FANCL: variants seen among roughly 807,000 people sequenced by gnomAD.
The protein encoded by FANCL is E3 ubiquitin-protein ligase FANCL.
In FANCL, 69 loss-of-function variants were observed where a neutral mutation model predicts 59.4. The ratio of observed to expected loss-of-function variants is 1.16; its 90% CI spans 0.96 to 1.42. The LOEUF (loss-of-function observed/expected upper bound fraction) is 1.42, where lower values mean the gene tolerates loss of function less well. FANCL is among the 40% of genes most tolerant of loss of function. The pLI is 0.00. For missense variants in FANCL, 519 were observed against 447.2 expected (o/e 1.16, Z -1.45); for synonymous variants, 180 against 147.1 (o/e 1.22, Z -1.62).
intron 1 of FANCL, among the ~76,000 whole-genome samples, chr2:58,236,113 T>C (rs569110010): frequency 2.9e-5 from 4 of 139,760 alleles, no homozygotes; most frequent in African/African-American, 1.1e-4. Context: ...TAAATGAAAA[T>C]ATATACTCAG....
intron 7 of FANCL, among the ~76,000 whole-genome samples, chr2:58,194,572 G>A (rs1689252261): frequency 6.6e-6 from 1 of 152,032 alleles, no homozygotes; most frequent in Non-Finnish European, 1.5e-5. Context: ...GTGCTTCTTT[G>A]GCACATATCA....
At chr2:58,194,926 C>CAAA (rs200645448) in intron 7 of FANCL, among the ~76,000 whole-genome samples, 1 of 146,068 alleles carries the variant, frequency 6.8e-6, no homozygotes. Context: ...TATTATATCA[C>CAAA]AAAAAAAAAA....
intron 12 of FANCL, among the ~76,000 whole-genome samples, chr2:58,161,152 G>C (rs1685095004): frequency 6.6e-6 from 1 of 151,958 alleles, no homozygotes. Context: ...CATTTTCACT[G>C]TATTACTGCC....
intron 7 of FANCL, among the ~76,000 whole-genome samples, chr2:58,168,043 G>A (rs1360325678): frequency 6.6e-6 from 1 of 151,926 alleles, no homozygotes; most frequent in African/African-American, 2.4e-5. Context: ...CACCACAAAT[G>A]CCAAGAAATA....
At chr2:58,232,225 T>C (rs1161716836) in intron 1 of FANCL, 113 bp from the exon 2 acceptor site, 2 of 850,556 alleles carry the variant, frequency 2.4e-6, no homozygotes, top group Non-Finnish European at 3.9e-6. Flanking sequence ...CTAAAAGGTA[T>C]CAATTTTATC....
At chr2:58,202,599 A>G (rs1690152734) in intron 6 of FANCL, among the ~76,000 whole-genome samples, 1 of 151,834 alleles carries the variant, frequency 6.6e-6, no homozygotes, top group Admixed American at 6.6e-5. Flanking sequence ...ATATCTATAA[A>G]AGTGCTTCGT....
intron 5 of FANCL, among the ~76,000 whole-genome samples, chr2:58,211,068 A>G (rs1691095003): frequency 6.6e-6 from 1 of 152,174 alleles, no homozygotes; most frequent in African/African-American, 2.4e-5. Context: ...GTGCCTCAGT[A>G]GGGACTCTGT....
intron 7 of FANCL, among the ~76,000 whole-genome samples, chr2:58,196,436 A>G (rs543335277): frequency 1.3e-5 from 2 of 152,130 alleles, no homozygotes; most frequent in South Asian, 4.1e-4. Flanking sequence ...ATATTCCACA[A>G]ATTAAGAATT....
intron 7 of FANCL, among the ~76,000 whole-genome samples, chr2:58,196,283 C>G (rs990045537): frequency 1.3e-5 from 2 of 151,924 alleles, no homozygotes; most frequent in African/African-American, 4.8e-5. Context: ...CAGGTCTTAG[C>G]TATTCTTAAA....
chr2:58,191,598 G>A (rs948327710), intron 7 of FANCL, among the ~76,000 whole-genome samples: 4 of 151,736 alleles, frequency 2.6e-5, no homozygotes, highest in Admixed American at 6.6e-5. Context: ...TTTGAGCATA[G>A]AAAACTCCTT....
intron 1 of FANCL, among the ~76,000 whole-genome samples, chr2:58,238,446 C>G (rs1443846738): frequency 6.6e-6 from 1 of 152,136 alleles, no homozygotes; most frequent in Admixed American, 6.5e-5. Context: ...AGATAACCAA[C>G]ATAGAGAGCA....
At chr2:58,222,856 T>C (rs1240118814) in intron 4 of FANCL, among the ~76,000 whole-genome samples, 2 of 151,940 alleles carry the variant, frequency 1.3e-5, no homozygotes, top group Non-Finnish European at 2.9e-5. Context: ...AAATAATTAA[T>C]TAATTAAATA....
rs775664760 is a variant in FANCL, at chr2:58,163,028, C to G, written c.821+1G>C. ...AAAAATTATATTGCCAAGGTACCTA[C>G]CACAAATGTATGTTCCTGCTCAGCT... On this transcript the variant is annotated splice_donor_variant, in intron 10 of 13. Transcript: ENST00000233741. LOFTEE classifies it high-confidence loss of function. 1 of 1,612,580 alleles carries G rather than the reference C, an allele frequency of 6.2e-7. No homozygotes were observed. Among genetic ancestry groups the G allele is most frequent in the Admixed American group, 1.7e-5 (1 of 59,934 alleles).
intron 7 of FANCL, among the ~76,000 whole-genome samples, chr2:58,184,847 G>A (rs1016905699): frequency 6.6e-6 from 1 of 152,096 alleles, no homozygotes; most frequent in Non-Finnish European, 1.5e-5. Flanking sequence ...AACATCGTGA[G>A]AAAGTTAGGA....
intron 5 of FANCL, among the ~76,000 whole-genome samples, chr2:58,207,224 A>G (rs1051483916): frequency 6.6e-6 from 1 of 152,152 alleles, no homozygotes; most frequent in Non-Finnish European, 1.5e-5. Context: ...GGACAGGCCA[A>G]TATGAGCTAG....
At chr2:58,225,065 G>C (rs1169040338) in intron 4 of FANCL, among the ~76,000 whole-genome samples, 1 of 151,560 alleles carries the variant, frequency 6.6e-6, no homozygotes, top group African/African-American at 2.4e-5. Context: ...TGGGGCAACT[G>C]GTATCAGAAG....
chr2:58,210,381 C>T (rs1165707026), intron 5 of FANCL, among the ~76,000 whole-genome samples: 2 of 152,118 alleles, frequency 1.3e-5, no homozygotes, highest in African/African-American at 2.4e-5. Context: ...TCTCATGACA[C>T]TTATTCATTA....
At chr2:58,176,632 AG>A (rs1256994729) in intron 7 of FANCL, among the ~76,000 whole-genome samples, 6 of 152,234 alleles carry the variant, frequency 3.9e-5, no homozygotes, top group Non-Finnish European at 7.3e-5. Flanking sequence ...AATTAATTCA[AG>A]ATGGATTAAA....
chr2:58,205,374 A>G (rs1206762312), intron 5 of FANCL, among the ~76,000 whole-genome samples: 1 of 150,420 alleles, frequency 6.6e-6, no homozygotes, highest in Non-Finnish European at 1.5e-5. Context: ...ACTATTCTAG[A>G]AAGTGTTTTA....
Sources: gnomAD v4.1 joint callset for allele counts (sites outside exome capture counted in the v4.1 genomes callset) on GRCh38, gnomAD v4.1.1 for gene constraint, MANE v1.5 for transcripts, NCBI Gene and HGNC (gene_info 2026-07-23, HGNC 2026-07-21) for gene names.